The following TRMT1L variants were observed in gnomAD, a reference collection of about 807,000 sequenced individuals.
The protein encoded by TRMT1L is tRNA (guanine(27)-N(2))-dimethyltransferase.
A neutral mutation model predicts 81.6 loss-of-function variants in TRMT1L; 28 were observed. That is an observed-to-expected ratio of 0.34 (90% CI 0.25 to 0.47). The LOEUF (loss-of-function observed/expected upper bound fraction) is 0.47. Ranked by LOEUF, TRMT1L falls within the 20% of genes least tolerant of loss-of-function variation. TRMT1L has a pLI of 1.00. For missense variants in TRMT1L, 739 were observed against 877.1 expected (o/e 0.84, Z 1.99); for synonymous variants, 301 against 303.2 (o/e 0.99, Z 0.07).
intron 2 of TRMT1L, 28 bp downstream of exon 2, chr1:185,151,795 GAA>G (rs368841273): frequency 2.7e-5 from 31 of 1,154,368 alleles, no homozygotes; most frequent in South Asian, 8.1e-5. Flanking sequence ...TAGAAACTAA[GAA>G]AAAAAAAAAA....
intron 11 of TRMT1L, among the ~76,000 whole-genome samples, chr1:185,127,840 G>A (rs903429556): frequency 4.0e-5 from 6 of 151,058 alleles, no homozygotes; most frequent in Admixed American, 1.3e-4. Context: ...TTGGCCAGGC[G>A]CAGTGGCTCA....
upstream of TRMT1L, chr1:185,157,029 C>G: frequency 2.9e-6 from 1 of 339,818 alleles, no homozygotes; most frequent in Middle Eastern, 8.5e-4. Context: ...TTCTACGGTG[C>G]GTCTCCGGCC....
rs559476486 is a variant in TRMT1L at position 185,119,505 on chromosome 1, T to C, written c.*514A>G. The stretch of plus-strand genomic sequence containing the variant: ...CAATGTGGAGAGAAGTATGATTTCT[T>C]AAAAATGGGTACATATTTTAGTTTT... On this transcript the variant is annotated 3_prime_UTR_variant, in exon 15 of 15. Coordinates refer to ENST00000367506, the MANE Select transcript of TRMT1L (RefSeq NM_030934.5). 6.6e-6 allele frequency: 1 copy of C among 152,364 alleles called. No individual in the cohort carries two copies. The highest frequency in any genetic ancestry group is 2.4e-5 in the African/African-American group (1 of 41,594). 9.4% of individuals were successfully genotyped at this position (152,364 alleles called of 1,614,324 possible).
intron 11 of TRMT1L, among the ~76,000 whole-genome samples, chr1:185,126,246 A>T (rs1652625436): frequency 6.6e-6 from 1 of 152,160 alleles, no homozygotes; most frequent in Non-Finnish European, 1.5e-5. Flanking sequence ...TATAATCCTG[A>T]GTAATTACTA....
intron 10 of TRMT1L, 109 bp from the exon 11 acceptor site, chr1:185,128,856 A>G (rs1652698754): frequency 4.3e-6 from 4 of 927,990 alleles, no homozygotes; most frequent in African/African-American, 3.4e-5. Flanking sequence ...AGGATCTACT[A>G]TGTGCCAGGT....
chr1:185,145,961 T>C (rs1195956306), intron 4 of TRMT1L, among the ~76,000 whole-genome samples: 1 of 151,998 alleles, frequency 6.6e-6, no homozygotes, highest in Non-Finnish European at 1.5e-5. Flanking sequence ...CTATAGCCAA[T>C]TTCAAGCTAC....
intron 4 of TRMT1L, among the ~76,000 whole-genome samples, chr1:185,146,930 T>C (rs1257860000): frequency 6.6e-6 from 1 of 152,068 alleles, no homozygotes; most frequent in Non-Finnish European, 1.5e-5. Context: ...AATGAGTTAA[T>C]TTTCATTTTG....
At chr1:185,133,418 G>A (rs1652821841) in intron 10 of TRMT1L, among the ~76,000 whole-genome samples, 1 of 151,974 alleles carries the variant, frequency 6.6e-6, no homozygotes, top group African/African-American at 2.4e-5. Flanking sequence ...AATAATCCCT[G>A]CCTCTTGGTA....
rs571409204 is a variant in TRMT1L at position 185,143,694 on chromosome 1, T to C, written c.779+212A>G. Among the ~76,000 whole-genome samples the C allele has an allele frequency of 1.6e-3, 247 of 152,282 alleles. 2 individuals carry two copies. Among genetic ancestry groups the C allele is most frequent in the Middle Eastern group, 6.8e-3 (2 of 294 alleles). On this transcript the variant is annotated intron_variant, in intron 6 of 14. Transcript: ENST00000367506. ...CTCACAGAAGTACCAGCTTGTTCAG[T>C]AATTATATAAAGTTACGCCTATCTT...
chr1:185,151,342 T>C (rs1653340592), intron 2 of TRMT1L, among the ~76,000 whole-genome samples: 1 of 152,176 alleles, frequency 6.6e-6, no homozygotes. Flanking sequence ...GTACAATTTT[T>C]ATTTTTACAC....
At chr1:185,129,641 A>G (rs1652720729) in intron 10 of TRMT1L, among the ~76,000 whole-genome samples, 1 of 152,234 alleles carries the variant, frequency 6.6e-6, no homozygotes, top group African/African-American at 2.4e-5. Flanking sequence ...TCAGAACCAA[A>G]GAATGGTGGC....
chr1:185,140,258 T>C (rs1249227669), intron 7 of TRMT1L, 36 bp from the exon 8 acceptor site: 1 of 1,493,354 alleles, frequency 6.7e-7, no homozygotes, highest in South Asian at 1.3e-5. Flanking sequence ...GTTTTATAAT[T>C]GTAATAATTT....
At chr1:185,121,479 CATAAAA>C (rs1463507036) in intron 13 of TRMT1L, among the ~76,000 whole-genome samples, 5 of 151,548 alleles carry the variant, frequency 3.3e-5, no homozygotes, top group African/African-American at 1.2e-4. Context: ...AAAGTTGATA[CATAAAA>C]ATAAATTACA....
intron 6 of TRMT1L, 109 bp from the exon 7 acceptor site, chr1:185,143,545 T>C (rs1168574224): frequency 1.1e-6 from 1 of 885,642 alleles, no homozygotes; most frequent in Non-Finnish European, 1.7e-6. Context: ...ACAAACTATT[T>C]CAAAAGGAGA....
In TRMT1L at chr1:185,138,622, T is replaced by C. The variant is rs1652959456; in HGVS notation, c.1322+745A>G. Among the ~76,000 whole-genome samples, 2 of 152,190 alleles carry C rather than the reference T, an allele frequency of 1.3e-5. 1 individual carries two copies. Among genetic ancestry groups the C allele is most frequent in the South Asian group, 4.1e-4 (2 of 4,834 alleles). On this transcript the variant is annotated intron_variant, in intron 9 of 14. Transcript: ENST00000367506. ...GCATATAGTAAGTGCTCAAAAAAAG[T>C]CATCCTTTTAAAAAATAACTGTTTT... is the stretch of plus-strand genomic sequence containing the variant.
Position 185,151,902 on chromosome 1 carries a change from T to C in TRMT1L, c.269A>G (p.Asp90Gly). ...AGTTACAAAAGCTAAATTCTCTAGA[T>C]CAGCAAGCTGCCTTTGAATTGAGAT... ...RHISIQRQLA[D>G]LENLAFVTDG... Residue 90 changes from aspartate (D) to glycine (G), a missense_variant, in exon 2 of 15, where the codon GAT (aspartate) becomes GGT (glycine). Physicochemically the swap from Asp to Gly is moderately conservative, Grantham distance 94 (BLOSUM62 -1). Transcript: ENST00000367506. 1 of 1,604,278 alleles carries C rather than the reference T, an allele frequency of 6.2e-7. No homozygotes were observed. Among genetic ancestry groups the C allele is most frequent in the Non-Finnish European group, 8.5e-7 (1 of 1,176,580 alleles).
intron 10 of TRMT1L, among the ~76,000 whole-genome samples, chr1:185,132,143 A>AAAAAAG (rs933230242): frequency 1.3e-5 from 2 of 152,062 alleles, no homozygotes; most frequent in African/African-American, 2.4e-5. Flanking sequence ...TCCATCTTAA[A>AAAAAAG]AAAAAGAAAA....
intron 1 of TRMT1L, among the ~76,000 whole-genome samples, chr1:185,155,105 C>T (rs1213931646): frequency 6.6e-6 from 1 of 152,182 alleles, no homozygotes; most frequent in Non-Finnish European, 1.5e-5. Flanking sequence ...ATTTGTCCTA[C>T]TAATGCATTT....
At chr1:185,137,566 G>T in intron 10 of TRMT1L, 40 bp downstream of exon 10, 1 of 1,569,876 alleles carries the variant, frequency 6.4e-7, no homozygotes, top group Non-Finnish European at 8.7e-7. Context: ...CTTATTCAGT[G>T]GAGGATTATA....
Sources: allele counts gnomAD v4.1 joint callset (sites outside exome capture counted in the v4.1 genomes callset), GRCh38; gene constraint gnomAD v4.1.1; transcripts MANE v1.5; gene names NCBI Gene and HGNC (gene_info 2026-07-23, HGNC 2026-07-21).